The following MROH1 variants were observed in gnomAD, a reference collection of about 807,000 sequenced individuals.
The protein encoded by MROH1 is maestro heat like repeat family member 1.
In MROH1, 117 loss-of-function variants were observed where a neutral mutation model predicts 116.5. That is an observed-to-expected ratio of 1.00 (90% CI 0.86 to 1.17). MROH1 has a LOEUF of 1.17. Among genes scored for constraint, MROH1 ranks in the 50% most tolerant of loss-of-function variants. The pLI, the probability that MROH1 is intolerant of heterozygous loss-of-function variation, is 0.00. For missense variants in MROH1, 1,873 were observed against 1,338.5 expected (o/e 1.40, Z -6.23); for synonymous variants, 921 against 583.9 (o/e 1.58, Z -8.32).
chr8:144,242,963 C>T (rs1389753975), intron 24 of MROH1, among the ~76,000 whole-genome samples: 1 of 152,240 alleles, frequency 6.6e-6, no homozygotes, highest in East Asian at 1.9e-4. Flanking sequence ...TGTACCTCCC[C>T]GGACCCCAGT....
intron 1 of MROH1, among the ~76,000 whole-genome samples, chr8:144,155,174 C>T (rs1321718909): frequency 6.6e-6 from 1 of 152,122 alleles, no homozygotes; most frequent in South Asian, 2.1e-4. Context: ...TGGTCTCGAA[C>T]TCCTGACCTC....
chr8:144,198,473 G>A (rs1354257876), intron 10 of MROH1, among the ~76,000 whole-genome samples: 2 of 152,074 alleles, frequency 1.3e-5, no homozygotes, highest in African/African-American at 2.4e-5. Context: ...GCTGGAGTGC[G>A]GTGGCACCAT....
In MROH1 at chr8:144,195,195, TA is replaced by T. The variant is rs561902621; in HGVS notation, c.948+2818del. On this transcript the variant is annotated intron_variant, in intron 10 of 43. Transcript: ENST00000326134. ...GGGTGACAGTGCGAGACTGTGTCTT[TA>T]AAAAAAAAAAAAAAAAAAAAAAAGG... 6.4e-3 allele frequency among the ~76,000 whole-genome samples: 75 copies of T among 11,680 alleles called. 9 individuals are homozygous for T. Among genetic ancestry groups the T allele is most frequent in the South Asian group, 0.036 (2 of 56 alleles). 7.7% of individuals were successfully genotyped at this position (11,680 alleles called of 152,430 possible). A position where few individuals can be genotyped will look rare whatever the true frequency, so the allele number is the denominator to read the frequency against.
intron 12 of MROH1, among the ~76,000 whole-genome samples, chr8:144,206,649 C>T (rs187051779): frequency 1.5e-4 from 22 of 151,602 alleles, no homozygotes; most frequent in African/African-American, 5.3e-4. Context: ...TCTCGAACTC[C>T]TGGACCTCAG....
chr8:144,249,392 G>A (rs1842459568), intron 32 of MROH1, among the ~76,000 whole-genome samples: 1 of 152,178 alleles, frequency 6.6e-6, no homozygotes, highest in African/African-American at 2.4e-5. Flanking sequence ...CCCCTAGGGA[G>A]AGGCAAGCCT....
At chr8:144,198,476 G>C (rs1032207934) in intron 10 of MROH1, among the ~76,000 whole-genome samples, 1 of 152,278 alleles carries the variant, frequency 6.6e-6, no homozygotes, top group Admixed American at 6.5e-5. Flanking sequence ...GGAGTGCGGT[G>C]GCACCATTAC....
intron 33 of MROH1, chr8:144,251,805 G>A (rs1303742186): frequency 1.9e-5 from 3 of 154,816 alleles, no homozygotes; most frequent in Admixed American, 1.3e-4. Flanking sequence ...TCCCCAGCAG[G>A]CTCCTGTGTG....
chr8:144,172,143 C>T (rs1822601932), intron 4 of MROH1, among the ~76,000 whole-genome samples: 1 of 152,174 alleles, frequency 6.6e-6, no homozygotes, highest in Admixed American at 6.5e-5. Flanking sequence ...TTTGAAATGG[C>T]CCTGCAAAAC....
chr8:144,220,119 G>T (rs576554856), intron 12 of MROH1, among the ~76,000 whole-genome samples: 7 of 152,166 alleles, frequency 4.6e-5, no homozygotes, highest in Admixed American at 6.5e-5. Flanking sequence ...ATCCAGAAAT[G>T]AAGGCCCTGT....
intron 12 of MROH1, among the ~76,000 whole-genome samples, chr8:144,217,838 A>G (rs1264995299): frequency 6.6e-6 from 1 of 152,136 alleles, no homozygotes; most frequent in East Asian, 1.9e-4. Flanking sequence ...CTCTTTATCC[A>G]GTAGGGCATT....
intron 12 of MROH1, among the ~76,000 whole-genome samples, chr8:144,216,331 G>A (rs7462011): frequency 9.2e-5 from 14 of 151,778 alleles, no homozygotes; most frequent in Non-Finnish European, 2.1e-4. Flanking sequence ...AAAATTAGCC[G>A]GGCGTGGTGG....
chr8:144,227,180 CT>C (rs1195493737), intron 14 of MROH1, among the ~76,000 whole-genome samples: 1 of 152,170 alleles, frequency 6.6e-6, no homozygotes, highest in Admixed American at 6.5e-5. Context: ...ATCATGTCTT[CT>C]TCATATAGGC....
chr8:144,239,886 T>C, intron 18 of MROH1, 131 bp downstream of exon 18: 1 of 673,458 alleles, frequency 1.5e-6, no homozygotes, highest in Non-Finnish European at 2.7e-6. Flanking sequence ...GGTTGTATAA[T>C]TGGAAAATAC....
In MROH1 at chr8:144,180,857, G is replaced by A. The variant is rs1825446994; in HGVS notation, c.562+334G>A. The stretch of plus-strand genomic sequence containing the variant: ...CCCACTCCAGGCTAGAAAAGTGTCC[G>A]CTCTCTGGGCATCCCAGGACCCAGG... On this transcript the variant is annotated intron_variant, in intron 7 of 43. Transcript: ENST00000326134. The surrounding 1 kb of genome is among the most constrained non-coding windows in gnomAD (Gnocchi z 7.4). 1.3e-5 allele frequency among the ~76,000 whole-genome samples: 2 copies of A among 152,130 alleles called. No homozygotes were observed. Among genetic ancestry groups the A allele is most frequent in the South Asian group, 2.1e-4 (1 of 4,828 alleles).
chr8:144,223,204 C>T lies in MROH1; in HGVS notation c.1312C>T (p.Gln438Ter). 1 of 1,609,278 alleles carries T rather than the reference C, an allele frequency of 6.2e-7. No homozygotes were observed. Residue 438 changes from glutamine (Q) to a stop codon, truncating the protein, a stop_gained, in exon 14 of 44, where the codon CAG (glutamine) becomes TAG (stop). Coordinates refer to ENST00000326134, the MANE Select transcript of MROH1 (RefSeq NM_032450.3). LOFTEE classifies it high-confidence loss of function. ...GGCGATGATCGAGTACATCGTGCAG[C>T]AGTGCGCGCTGCCCCCCGAGCAGGA... ...GEAMIEYIVQ[Q>*]CALPPEQEPE...
chr8:144,243,844 A>G lies in MROH1; in HGVS notation c.2476-19A>G, dbSNP rs919451077. The G allele has an allele frequency of 1.3e-6, 1 of 775,916 alleles. No individual in the cohort carries two copies. Among genetic ancestry groups the G allele is most frequent in the Non-Finnish European group, 2.4e-6 (1 of 415,924 alleles). 48.1% of individuals were successfully genotyped at this position (775,916 alleles called of 1,614,324 possible). On this transcript the variant is annotated intron_variant, in intron 25 of 43. Transcript: ENST00000326134. ...TGGCGTTTCCTCCAAGGGCTGAGTC[A>G]TGCACCTGCCTCACCCAGGAGTTCA... is the stretch of plus-strand genomic sequence containing the variant.
intron 12 of MROH1, among the ~76,000 whole-genome samples, chr8:144,216,684 CTTTTTTTT>C (rs71320815): frequency 1.7e-4 from 24 of 142,926 alleles, no homozygotes; most frequent in African/African-American, 6.8e-4. Context: ...TTTTTTACTG[CTTTTTTTT>C]TTTTTTTTTT....
At chr8:144,221,925 G>A (rs1285167299) in intron 13 of MROH1, among the ~76,000 whole-genome samples, 1 of 152,158 alleles carries the variant, frequency 6.6e-6, no homozygotes, top group Non-Finnish European at 1.5e-5. Context: ...AGGGCAGCAT[G>A]GGCAGAAGCC....
chr8:144,212,286 T>A (rs1834295237), intron 12 of MROH1, among the ~76,000 whole-genome samples: 1 of 152,106 alleles, frequency 6.6e-6, no homozygotes, highest in African/African-American at 2.4e-5. Context: ...GGTCTCACTA[T>A]GTTGCCCAGG....
Sources: allele counts gnomAD v4.1 joint callset (sites outside exome capture counted in the v4.1 genomes callset), GRCh38; gene constraint gnomAD v4.1.1; non-coding constraint Gnocchi (gnomAD v3.1); transcripts MANE v1.5; gene names NCBI Gene and HGNC (gene_info 2026-07-23, HGNC 2026-07-21).